NCAM1: variants seen among roughly 807,000 people sequenced by gnomAD.
The protein encoded by NCAM1 is antigen recognized by monoclonal antibody 5.1H11.
Under a neutral mutation model 109.8 loss-of-function variants are expected in NCAM1, and 14 were observed. The ratio of observed to expected loss-of-function variants is 0.13; its 90% CI spans 0.08 to 0.20. The LOEUF (loss-of-function observed/expected upper bound fraction) is 0.20, where lower values mean the gene tolerates loss of function less well. Ranked by LOEUF, NCAM1 falls within the 10% of genes least tolerant of loss-of-function variation. NCAM1 has a pLI of 1.00. For synonymous variants in NCAM1, 418 were observed against 442.9 expected (o/e 0.94, Z 0.70); for missense variants, 774 against 1,109.9 (o/e 0.70, Z 4.30).
In NCAM1 at chr11:113,156,938, G is replaced by A. The variant is rs528358851; in HGVS notation, c.53-45441G>A. Among the ~76,000 whole-genome samples, 171 of 152,244 alleles carry A rather than the reference G, an allele frequency of 1.1e-3. 2 individuals carry two copies. The highest frequency in any genetic ancestry group is 9.1e-3 in the South Asian group (44 of 4,828). ...GCTTTAGGGAATGGAAAAGGTACTC[G>A]TTAGACCTGTAGGTGATGGCCTGGG... On this transcript the variant is annotated intron_variant, in intron 1 of 19. Coordinates refer to ENST00000316851, the MANE Select transcript of NCAM1 (RefSeq NM_181351.5).
At position 113,270,168 on chromosome 11, in the gene NCAM1, C is replaced by T. The variant is rs1555124979; in HGVS notation, c.2132-20C>T. ...CGCATCTCAGTCTGTTAACCACCAG[C>T]CATCTCTCTCCCACTCAAGCCAACG... On this transcript the variant is annotated intron_variant, in intron 17 of 19. Transcript: ENST00000316851. 24 of 1,612,844 alleles carry T rather than the reference C, an allele frequency of 1.5e-5. No homozygotes were observed. In the East Asian group the frequency reaches 4.9e-4, roughly 33 times the overall value.
intron 1 of NCAM1, among the ~76,000 whole-genome samples, chr11:113,100,645 A>G (rs75937502): frequency 2.0e-5 from 3 of 151,626 alleles, no homozygotes; most frequent in Admixed American, 6.6e-5. Flanking sequence ...TTGACATTCA[A>G]TTGTTTCTGT....
At chr11:113,154,196 G>T (rs1264090168) in intron 1 of NCAM1, among the ~76,000 whole-genome samples, 1 of 152,196 alleles carries the variant, frequency 6.6e-6, no homozygotes, top group African/African-American at 2.4e-5. Context: ...GATAGACTCC[G>T]GTTTCTGGTG....
intron 1 of NCAM1, among the ~76,000 whole-genome samples, chr11:113,031,695 A>AG (rs1952724520): frequency 6.6e-6 from 1 of 151,902 alleles, no homozygotes; most frequent in Admixed American, 6.6e-5. Flanking sequence ...TCAAAAAAAA[A>AG]AGAAAAGAAA....
intron 1 of NCAM1, among the ~76,000 whole-genome samples, chr11:113,113,979 G>A (rs573748825): frequency 2.0e-5 from 3 of 152,298 alleles, no homozygotes; most frequent in Non-Finnish European, 2.9e-5. Flanking sequence ...ACTTGGAAAG[G>A]GCTAACAATC....
At chr11:113,000,172 C>T (rs1298518854) in intron 1 of NCAM1, among the ~76,000 whole-genome samples, 3 of 152,132 alleles carry the variant, frequency 2.0e-5, no homozygotes, top group Admixed American at 6.6e-5. Context: ...CTTATTCATT[C>T]GGCAAGTATT....
chr11:113,221,340 A>G lies in NCAM1; in HGVS notation c.1089+15A>G. 6.4e-7 allele frequency: 1 copy of G among 1,566,406 alleles called. No homozygotes were observed. Among genetic ancestry groups the G allele is most frequent in the Non-Finnish European group, 8.7e-7 (1 of 1,153,470 alleles). ...AGAAGCAAGAGGTATAGCTTACCTG[A>G]CCACTAGCCAGTCTTTAGTTTTGAA... On this transcript the variant is annotated intron_variant, in intron 9 of 19. Transcript: ENST00000316851.
intron 1 of NCAM1, among the ~76,000 whole-genome samples, chr11:113,042,623 T>C (rs1257128840): frequency 6.6e-6 from 1 of 152,158 alleles, no homozygotes; most frequent in Non-Finnish European, 1.5e-5. Flanking sequence ...TGGGAGTGCT[T>C]TGCATGGAAT....
intron 15 of NCAM1, among the ~76,000 whole-genome samples, chr11:113,249,542 C>T (rs1945598348): frequency 6.6e-6 from 1 of 152,188 alleles, no homozygotes; most frequent in South Asian, 2.1e-4. Flanking sequence ...TTCTTCATAA[C>T]CAATCTAATG....
chr11:113,237,271 C>G (rs1437258394), intron 14 of NCAM1, among the ~76,000 whole-genome samples: 10 of 151,820 alleles, frequency 6.6e-5, no homozygotes, highest in Admixed American at 5.9e-4. Flanking sequence ...CCCAGGCAGA[C>G]ACAGAAAAAA....
intron 1 of NCAM1, among the ~76,000 whole-genome samples, chr11:112,994,369 A>G: frequency 6.6e-6 from 1 of 152,170 alleles, no homozygotes; most frequent in African/African-American, 2.4e-5. Flanking sequence ...CATTTTTTGT[A>G]GATGACTATT....
chr11:113,128,946 T>TGC (rs1441560146), intron 1 of NCAM1, among the ~76,000 whole-genome samples: 19 of 143,000 alleles, frequency 1.3e-4, no homozygotes, highest in Non-Finnish European at 2.5e-4. Flanking sequence ...TGTGTGTGTG[T>TGC]GTGCATGCGT....
At chr11:113,137,000 G>A (rs781840381) in intron 1 of NCAM1, among the ~76,000 whole-genome samples, 1 of 152,200 alleles carries the variant, frequency 6.6e-6, no homozygotes, top group Non-Finnish European at 1.5e-5. Context: ...AGGTGGGAAC[G>A]TGGACAGTAT....
chr11:113,209,109 C>T (rs1264777213), intron 7 of NCAM1, among the ~76,000 whole-genome samples: 4 of 152,180 alleles, frequency 2.6e-5, no homozygotes, highest in African/African-American at 9.7e-5. Flanking sequence ...GTTTAGAAAA[C>T]ACAGATAAAC....
chr11:113,196,836 G>C (rs1591407070), intron 1 of NCAM1, among the ~76,000 whole-genome samples: 1 of 152,156 alleles, frequency 6.6e-6, no homozygotes, highest in Non-Finnish European at 1.5e-5. Flanking sequence ...TTTCCCTCCA[G>C]TAGTTTGCTG....
intron 1 of NCAM1, among the ~76,000 whole-genome samples, chr11:113,157,696 TAGC>T (rs1265944486): frequency 3.9e-5 from 6 of 152,136 alleles, no homozygotes; most frequent in African/African-American, 9.7e-5. Context: ...TCACTTAAAA[TAGC>T]AGTAATACAT....
intron 1 of NCAM1, among the ~76,000 whole-genome samples, chr11:113,100,353 G>A (rs113115760): frequency 2.0e-5 from 3 of 152,298 alleles, no homozygotes; most frequent in African/African-American, 7.2e-5. Context: ...TACAATTAAT[G>A]CTCTTTTAGC....
intron 17 of NCAM1, among the ~76,000 whole-genome samples, chr11:113,261,479 T>C (rs939940355): frequency 1.8e-4 from 27 of 152,060 alleles, no homozygotes; most frequent in Non-Finnish European, 1.5e-4. Flanking sequence ...CCACCCTGCA[T>C]TGACAGGAAG....
At chr11:113,170,284 A>G (rs1942951003) in intron 1 of NCAM1, among the ~76,000 whole-genome samples, 1 of 152,230 alleles carries the variant, frequency 6.6e-6, no homozygotes, top group Admixed American at 6.5e-5. Context: ...TAAGGGTCAC[A>G]GCACTTTGCT....
Sources: allele counts gnomAD v4.1 joint callset (sites outside exome capture counted in the v4.1 genomes callset), GRCh38; gene constraint gnomAD v4.1.1; transcripts MANE v1.5; gene names NCBI Gene and HGNC (gene_info 2026-07-23, HGNC 2026-07-21).